NPAS3: variants seen among roughly 807,000 people sequenced by gnomAD.
The protein encoded by NPAS3 is neuronal PAS domain-containing protein 3.
Under a neutral mutation model 73.1 loss-of-function variants are expected in NPAS3, and 14 were observed. That is an observed-to-expected ratio of 0.19 (90% CI 0.13 to 0.30). The LOEUF (loss-of-function observed/expected upper bound fraction) is 0.30. Ranked by LOEUF, NPAS3 falls within the 10% of genes least tolerant of loss-of-function variation. The probability of loss-of-function intolerance (pLI) is 1.00; values close to 1 mark genes in which losing one functional copy is unlikely to be tolerated. For synonymous variants in NPAS3, 620 were observed against 541.5 expected, an observed-to-expected ratio of 1.14 and a Z score of -2.01; for missense variants, 1,096 against 1,250.0, an observed-to-expected ratio of 0.88 and a Z score of 1.86.
At chr14:33,161,753 G>A (rs2044895847) in intron 2 of NPAS3, among the ~76,000 whole-genome samples, 1 of 152,254 alleles carries the variant, frequency 6.6e-6, no homozygotes. Flanking sequence ...TGTCCTGGAG[G>A]AGATAGTCAA....
At chr14:33,318,439 TTAACA>T (rs1222967577) in intron 3 of NPAS3, among the ~76,000 whole-genome samples, 1 of 152,144 alleles carries the variant, frequency 6.6e-6, no homozygotes, top group Non-Finnish European at 1.5e-5. Flanking sequence ...GTGAGTTTAC[TTAACA>T]TTACTGAACC....
intron 1 of NPAS3, among the ~76,000 whole-genome samples, chr14:33,032,863 G>A (rs991326468): frequency 3.3e-5 from 5 of 152,164 alleles, no homozygotes; most frequent in African/African-American, 4.8e-5. Context: ...CGATAAATGC[G>A]AAGTCCCAAT....
intron 2 of NPAS3, among the ~76,000 whole-genome samples, chr14:33,089,038 C>CAAAGATCAAAGGTAGATAAAACCCCA (rs57623601): frequency 6.9e-6 from 1 of 144,654 alleles, no homozygotes. Flanking sequence ...TCACCATCAT[C>CAAAGATCAAAGGTAGATAAAACCCCA]AAGATGAGGA....
intron 1 of NPAS3, among the ~76,000 whole-genome samples, chr14:33,033,880 A>G (rs1403911504): frequency 6.6e-6 from 1 of 152,218 alleles, no homozygotes; most frequent in East Asian, 1.9e-4. Context: ...ACAATTATCC[A>G]CTGGCCTTTA....
intron 3 of NPAS3, among the ~76,000 whole-genome samples, chr14:33,248,553 G>A (rs976772094): frequency 1.3e-5 from 2 of 152,070 alleles, no homozygotes; most frequent in Non-Finnish European, 2.9e-5. Flanking sequence ...AGTCTTTCTT[G>A]CTATATCTAG....
At chr14:33,572,363 G>A (rs549834331) in intron 5 of NPAS3, among the ~76,000 whole-genome samples, 1 of 152,296 alleles carries the variant, frequency 6.6e-6, no homozygotes, top group East Asian at 1.9e-4. Context: ...GCCCAAGCAG[G>A]TGACTTGAAG....
intron 3 of NPAS3, among the ~76,000 whole-genome samples, chr14:33,240,755 T>C (rs2048188151): frequency 6.6e-6 from 1 of 151,942 alleles, no homozygotes; most frequent in Non-Finnish European, 1.5e-5. Flanking sequence ...ATCTTTAAAA[T>C]GTAGTTTTTA....
chr14:33,041,549 G>A (rs907156835), intron 1 of NPAS3, among the ~76,000 whole-genome samples: 1 of 152,124 alleles, frequency 6.6e-6, no homozygotes, highest in Non-Finnish European at 1.5e-5. Context: ...ATTAAAAATG[G>A]TGAGGTACCT....
At chr14:33,031,444 G>A (rs773749541) in intron 1 of NPAS3, among the ~76,000 whole-genome samples, 4 of 152,076 alleles carry the variant, frequency 2.6e-5, no homozygotes, top group African/African-American at 2.4e-5. Context: ...TTTTTATGAC[G>A]CATGGCACCT....
intron 1 of NPAS3, among the ~76,000 whole-genome samples, chr14:33,003,078 T>C (rs917857209): frequency 5.9e-5 from 9 of 152,048 alleles, no homozygotes; most frequent in Non-Finnish European, 1.2e-4. Flanking sequence ...TTCTTTTTTT[T>C]TTTTCGCAGA....
chr14:33,637,844 C>G (rs2058566514), intron 5 of NPAS3, among the ~76,000 whole-genome samples: 1 of 152,122 alleles, frequency 6.6e-6, no homozygotes, highest in South Asian at 2.1e-4. Context: ...AGAAGTTGCA[C>G]TAAATATGAT....
At chr14:33,072,396 T>C (rs1447176518) in intron 2 of NPAS3, among the ~76,000 whole-genome samples, 1 of 152,228 alleles carries the variant, frequency 6.6e-6, no homozygotes, top group African/African-American at 2.4e-5. Flanking sequence ...CTGTATTATA[T>C]TTTGAAATTT....
chr14:33,141,526 G>T (rs556613106), intron 2 of NPAS3, among the ~76,000 whole-genome samples: 51 of 152,162 alleles, frequency 3.4e-4, no homozygotes, highest in African/African-American at 1.2e-3. Flanking sequence ...TTAGAATTTG[G>T]AGCTATTTCT....
At chr14:33,731,986 T>C (rs2061414456) in intron 6 of NPAS3, among the ~76,000 whole-genome samples, 1 of 152,196 alleles carries the variant, frequency 6.6e-6, no homozygotes, top group Admixed American at 6.5e-5. Flanking sequence ...AGATTTTTCC[T>C]GTGTCTCAGG....
At chr14:33,343,243 A>G (rs1278589709) in intron 3 of NPAS3, among the ~76,000 whole-genome samples, 1 of 152,098 alleles carries the variant, frequency 6.6e-6, no homozygotes, top group Non-Finnish European at 1.5e-5. Context: ...TTGAAACTCT[A>G]TTGAAATGAG....
intron 4 of NPAS3, among the ~76,000 whole-genome samples, chr14:33,408,909 T>C (rs2047789218): frequency 6.6e-6 from 1 of 152,184 alleles, no homozygotes; most frequent in South Asian, 2.1e-4. Context: ...ATGTGGAATA[T>C]ATTGAGGGAA....
At chr14:33,728,929 G>C (rs1168771044) in intron 6 of NPAS3, among the ~76,000 whole-genome samples, 1 of 152,182 alleles carries the variant, frequency 6.6e-6, no homozygotes, top group African/African-American at 2.4e-5. Context: ...TTTGGTGTGT[G>C]AGAGAGTGAC....
chr14:33,737,499 A>T (rs559115624), intron 7 of NPAS3, among the ~76,000 whole-genome samples: 1 of 152,252 alleles, frequency 6.6e-6, no homozygotes, highest in East Asian at 1.9e-4. Flanking sequence ...CCCTGTCAGC[A>T]GGTCTTTCTC....
At chr14:33,016,264 A>T (rs1018581617) in intron 1 of NPAS3, among the ~76,000 whole-genome samples, 2 of 152,114 alleles carry the variant, frequency 1.3e-5, no homozygotes, top group African/African-American at 2.4e-5. Flanking sequence ...AATAAAAAAA[A>T]TTTTTGCCCC....
Sources: gnomAD v4.1 joint callset for allele counts (sites outside exome capture counted in the v4.1 genomes callset) on GRCh38, gnomAD v4.1.1 for gene constraint, MANE v1.5 for transcripts, NCBI Gene and HGNC (gene_info 2026-07-23, HGNC 2026-07-21) for gene names.